The following TDRD7 variants were observed in gnomAD, a reference collection of about 807,000 sequenced individuals.
TDRD7 encodes tudor domain-containing protein 7.
TDRD7 carries 47 observed loss-of-function variants against 109.8 expected under a neutral mutation model. The observed-to-expected ratio is 0.43, with a 90% CI of 0.34 to 0.55. The LOEUF (loss-of-function observed/expected upper bound fraction) is 0.55, where lower values mean the gene tolerates loss of function less well. Among genes scored for constraint, TDRD7 ranks in the 20% least tolerant of loss-of-function variants. The probability of loss-of-function intolerance (pLI) is 0.03; values close to 1 mark genes in which losing one functional copy is unlikely to be tolerated. For synonymous variants in TDRD7, 424 were observed against 457.3 expected (o/e 0.93, Z 0.93); for missense variants, 1,164 against 1,319.2 (o/e 0.88, Z 1.82).
intron 1 of TDRD7, among the ~76,000 whole-genome samples, chr9:97,426,053 G>T (rs1471512601): frequency 6.6e-6 from 1 of 152,060 alleles, no homozygotes; most frequent in Non-Finnish European, 1.5e-5. Context: ...GTAAAAATAT[G>T]GTATATAAAA....
intron 6 of TDRD7, among the ~76,000 whole-genome samples, chr9:97,457,061 A>C (rs1343242446): frequency 6.6e-6 from 1 of 152,210 alleles, no homozygotes; most frequent in African/African-American, 2.4e-5. Context: ...AACAAACATG[A>C]AAAAAAGCTC....
intron 1 of TDRD7, among the ~76,000 whole-genome samples, chr9:97,419,310 C>T (rs2118216900): frequency 6.6e-6 from 1 of 152,290 alleles, no homozygotes; most frequent in South Asian, 2.1e-4. Context: ...TGGATTGGCA[C>T]TGAGGAGTAA....
intron 16 of TDRD7, among the ~76,000 whole-genome samples, chr9:97,494,470 G>A (rs1417453434): frequency 1.3e-5 from 2 of 152,046 alleles, no homozygotes; most frequent in Non-Finnish European, 2.9e-5. Flanking sequence ...AAATAACATG[G>A]CTCAAAGATT....
At chr9:97,461,711 C>A (rs1304859383) in intron 7 of TDRD7, among the ~76,000 whole-genome samples, 1 of 152,158 alleles carries the variant, frequency 6.6e-6, no homozygotes, top group Admixed American at 6.5e-5. Flanking sequence ...TGTAGCTGAA[C>A]CCCTGGAGGT....
intron 1 of TDRD7, among the ~76,000 whole-genome samples, chr9:97,413,072 C>G (rs1373927199): frequency 1.3e-5 from 2 of 152,144 alleles, no homozygotes; most frequent in African/African-American, 2.4e-5. Context: ...TGATCACCGC[C>G]CATCCAAACC....
At chr9:97,467,373 A>G (rs1828838435) in intron 8 of TDRD7, among the ~76,000 whole-genome samples, 1 of 152,226 alleles carries the variant, frequency 6.6e-6, no homozygotes, top group African/African-American at 2.4e-5. Context: ...TACTTTGGGA[A>G]TTCAGGCTCT....
chr9:97,430,419 G>A (rs1828081138), intron 2 of TDRD7, among the ~76,000 whole-genome samples: 1 of 152,142 alleles, frequency 6.6e-6, no homozygotes, highest in South Asian at 2.1e-4. Context: ...GATTTGCCCA[G>A]AGTCACCCAG....
At chr9:97,493,807 A>G (rs576666598) in intron 16 of TDRD7, among the ~76,000 whole-genome samples, 2 of 152,354 alleles carry the variant, frequency 1.3e-5, no homozygotes, top group Admixed American at 1.3e-4. Flanking sequence ...TGAGAAAAAG[A>G]ATTCAGCGAT....
intron 6 of TDRD7, among the ~76,000 whole-genome samples, chr9:97,454,969 C>CA (rs1024185849): frequency 6.6e-6 from 1 of 152,024 alleles, no homozygotes; most frequent in African/African-American, 2.4e-5. Flanking sequence ...ATCAGATAGA[C>CA]ACAATAAAAA....
chr9:97,482,872 A>C lies in TDRD7; in HGVS notation c.2436A>C (p.Arg812Ser). ...AGGTTACAAAAGTGGATGAAACCAGAGGGATCGCACATGTTTATTTATTTA... is the reference window on the plus strand; with the variant it reads ...AGGTTACAAAAGTGGATGAAACCAGCGGGATCGCACATGTTTATTTATTTA... The part of the protein sequence containing the change: ...SIKVTKVDET[R>S]GIAHVYLFTP... Residue 812 changes from arginine (R) to serine (S), a missense_variant, in exon 15 of 17, where the codon AGA (arginine) becomes AGC (serine). Arg to Ser is a moderately radical substitution (Grantham distance 110). Around this residue, in one of 5 missense-constraint regions of TDRD7, gnomAD observed 233 missense variants for 218.0 expected, o/e 1.07. Coordinates refer to ENST00000355295, the MANE Select transcript of TDRD7 (RefSeq NM_014290.3). The C allele has an allele frequency of 1.2e-6, 2 of 1,614,140 alleles. No homozygotes were observed. Among genetic ancestry groups the C allele is most frequent in the Non-Finnish European group, 1.7e-6 (2 of 1,179,980 alleles).
chr9:97,416,821 A>C (rs1171871741), intron 1 of TDRD7, among the ~76,000 whole-genome samples: 1 of 152,068 alleles, frequency 6.6e-6, no homozygotes, highest in African/African-American at 2.4e-5. Context: ...TTCATTCAAC[A>C]AATATTTATT....
At chr9:97,482,410 A>C (rs1438266749) in intron 14 of TDRD7, among the ~76,000 whole-genome samples, 1 of 152,202 alleles carries the variant, frequency 6.6e-6, no homozygotes, top group Non-Finnish European at 1.5e-5. Context: ...AGCCTTAAGC[A>C]GAACGCTCAT....
At chr9:97,450,802 T>A (rs774757111) in intron 6 of TDRD7, among the ~76,000 whole-genome samples, 1 of 152,150 alleles carries the variant, frequency 6.6e-6, no homozygotes, top group Non-Finnish European at 1.5e-5. Flanking sequence ...ATATGAAAAT[T>A]TAGAGAGTTT....
At chr9:97,419,705 A>C (rs1216841979) in intron 1 of TDRD7, among the ~76,000 whole-genome samples, 1 of 152,176 alleles carries the variant, frequency 6.6e-6, no homozygotes, top group Non-Finnish European at 1.5e-5. Flanking sequence ...GACTAAGTGG[A>C]GTCAGCTGTG....
chr9:97,461,164 A>G (rs896379775), intron 7 of TDRD7, among the ~76,000 whole-genome samples: 1 of 152,076 alleles, frequency 6.6e-6, no homozygotes, highest in Non-Finnish European at 1.5e-5. Flanking sequence ...AGGATAACAT[A>G]TTCTTAGTTC....
chr9:97,467,555 C>T (rs1437538669), intron 8 of TDRD7, among the ~76,000 whole-genome samples: 2 of 152,200 alleles, frequency 1.3e-5, no homozygotes. Flanking sequence ...CATACAAGTC[C>T]TTCTTCTCAA....
chr9:97,440,163 C>A (rs1828276521), intron 5 of TDRD7, among the ~76,000 whole-genome samples: 2 of 152,152 alleles, frequency 1.3e-5, no homozygotes, highest in Admixed American at 1.3e-4. Context: ...GACTACATGG[C>A]AAAGTTGAAT....
chr9:97,449,045 A>AAG lies in TDRD7; in HGVS notation c.855+7170_855+7171insAG, dbSNP rs1262444692. On this transcript the variant is annotated intron_variant, in intron 6 of 16. Coordinates refer to ENST00000355295, the MANE Select transcript of TDRD7 (RefSeq NM_014290.3). ...TAGAAAGAAAGAAGTAAAGACCCTT[A>AAG]GAGTTAAGGAGAAGCAAGTTTCTAG... 2.0e-5 allele frequency among the ~76,000 whole-genome samples: 3 copies of AAG among 152,240 alleles called. No individual in the cohort carries two copies. In the East Asian group the frequency reaches 5.8e-4, roughly 29 times the overall value.
intron 2 of TDRD7, among the ~76,000 whole-genome samples, chr9:97,429,963 T>A (rs1331919029): frequency 6.6e-6 from 1 of 152,254 alleles, no homozygotes; most frequent in South Asian, 2.1e-4. Context: ...ATACCCCCGT[T>A]GCTCATACTT....
Sources: allele counts gnomAD v4.1 joint callset (sites outside exome capture counted in the v4.1 genomes callset), GRCh38; gene constraint gnomAD v4.1.1; regional missense constraint gnomAD v4.1.1; transcripts MANE v1.5; gene names NCBI Gene and HGNC (gene_info 2026-07-23, HGNC 2026-07-21).